NOSIP: variants seen among roughly 807,000 people sequenced by gnomAD.
NOSIP encodes the protein nitric oxide synthase interacting protein.
In NOSIP, 25 loss-of-function variants were observed where a neutral mutation model predicts 36.4. The ratio of observed to expected loss-of-function variants is 0.69; its 90% CI spans 0.50 to 0.96. The LOEUF (loss-of-function observed/expected upper bound fraction) is 0.96, where lower values mean the gene tolerates loss of function less well. Among genes scored for constraint, NOSIP ranks in the 40% least tolerant of loss-of-function variants. The pLI is 0.00. For missense variants in NOSIP, 370 were observed against 429.0 expected (o/e 0.86, Z 1.21); for synonymous variants, 187 against 179.2 (o/e 1.04, Z -0.35).
intron 1 of NOSIP, among the ~76,000 whole-genome samples, chr19:49,568,991 T>G (rs1257294831): frequency 6.6e-6 from 1 of 151,066 alleles, no homozygotes; most frequent in Non-Finnish European, 1.5e-5. Flanking sequence ...TTAGCAGAGA[T>G]GGGCTTTCAC....
chr19:49,571,283 G>A (rs1288191830), intron 1 of NOSIP, among the ~76,000 whole-genome samples: 1 of 151,828 alleles, frequency 6.6e-6, no homozygotes. Context: ...ACTGCACCCG[G>A]CAAACTCTTT....
chr19:49,571,217 C>T (rs2080479870), intron 1 of NOSIP, among the ~76,000 whole-genome samples: 1 of 148,890 alleles, frequency 6.7e-6, no homozygotes, highest in Non-Finnish European at 1.5e-5. Flanking sequence ...AACTCCTGAT[C>T]TCAAGTGATC....
At chr19:49,563,607 C>G (rs139242177) in intron 1 of NOSIP, among the ~76,000 whole-genome samples, 2,901 of 152,020 alleles carry the variant, frequency 0.019, 90 homozygotes, top group African/African-American at 0.067. Flanking sequence ...AATTCTCCTG[C>G]CTCAGCCTCC....
At chr19:49,559,371 GCCAGGTGTGGTAGTGCACAC>G in intron 3 of NOSIP, 1 of 197,404 alleles carries the variant, frequency 5.1e-6, no homozygotes, top group Non-Finnish European at 1.1e-5. Context: ...AAACAAAAAC[GCCAGGTGTGGTAGTGCACAC>G]CCGTGGTTCC....
At chr19:49,575,725 C>T (rs2080543302) in intron 1 of NOSIP, among the ~76,000 whole-genome samples, 3 of 152,208 alleles carry the variant, frequency 2.0e-5, no homozygotes, top group African/African-American at 4.8e-5. Context: ...GACACACAAA[C>T]GGGCATGGCT....
chr19:49,561,252 G>A (rs925055286), intron 1 of NOSIP, among the ~76,000 whole-genome samples: 4 of 152,130 alleles, frequency 2.6e-5, no homozygotes, highest in Non-Finnish European at 5.9e-5. Context: ...GTCTCAGATC[G>A]ACCGATCAGA....
Position 49,561,170 on chromosome 19 carries a change from A to G in NOSIP, c.-1-478T>C, listed in dbSNP as rs373984549. 4.1e-4 allele frequency among the ~76,000 whole-genome samples: 62 copies of G among 152,204 alleles called. No individual in the cohort carries two copies. The East Asian group carries it at 0.011, about 28-fold the overall frequency. ...AGGCTGGGCACTTAGCTAAGGCTTG[A>G]CACTTAGCTAAGGCTTGACCCAATC... On this transcript the variant is annotated intron_variant, in intron 1 of 8. Transcript: ENST00000596358.
At chr19:49,556,811 A>G (rs1233500710) in intron 6 of NOSIP, 64 bp downstream of exon 6, 11 of 1,596,952 alleles carry the variant, frequency 6.9e-6, no homozygotes, top group Non-Finnish European at 9.4e-6. Context: ...CCTGTGCGTG[A>G]GGAGGACGGT....
At chr19:49,566,271 C>T (rs534748674) in intron 1 of NOSIP, among the ~76,000 whole-genome samples, 18 of 152,262 alleles carry the variant, frequency 1.2e-4, no homozygotes, top group South Asian at 1.0e-3. Context: ...CCGCCCACCT[C>T]GGCTTCCCAA....
At position 49,563,406 on chromosome 19, in the gene NOSIP, A is replaced by G. The variant is rs377166551; in HGVS notation, c.-1-2714T>C. ...GCCCAGGTTGGCCTTGAACTCCTGG[A>G]CTCAAGTGAACTCCTGGCCTCCCAA... On this transcript the variant is annotated intron_variant, in intron 1 of 8. Transcript: ENST00000596358. Among the ~76,000 whole-genome samples, 136 of 151,694 alleles carry G rather than the reference A, an allele frequency of 9.0e-4. 1 individual carries two copies. The highest frequency in any genetic ancestry group is 3.2e-3 in the African/African-American group (133 of 41,356).
chr19:49,569,768 A>G (rs943010141), intron 1 of NOSIP, among the ~76,000 whole-genome samples: 1 of 151,932 alleles, frequency 6.6e-6, no homozygotes, highest in Admixed American at 6.6e-5. Flanking sequence ...AGATCGCGCC[A>G]TCGCACTCCA....
In NOSIP at chr19:49,559,010, A is replaced by T. The variant is rs1298793616; in HGVS notation, c.177-32T>A. On this transcript the variant is annotated intron_variant, in intron 3 of 8. Transcript: ENST00000596358. Reference sequence around the variant, plus strand: ...AGACAGGGTGCAATGAGAAAGAAAGAAAGTGATCCTCCCGCCTCGGCCTCC... The same window carrying T: ...AGACAGGGTGCAATGAGAAAGAAAGTAAGTGATCCTCCCGCCTCGGCCTCC... 3.2e-6 allele frequency: 5 copies of T among 1,577,134 alleles called. No homozygotes were observed. The Admixed American group carries it at 5.0e-5, about 16-fold the overall frequency.
chr19:49,559,039 A>C, intron 3 of NOSIP, 61 bp from the exon 4 acceptor site: 1 of 1,369,074 alleles, frequency 7.3e-7, no homozygotes, highest in Non-Finnish European at 1.0e-6. Flanking sequence ...GGCCTCCCGA[A>C]GTGCTGGGAT....
chr19:49,557,034 C>T (rs368721012), intron 5 of NOSIP, 41 bp from the exon 6 acceptor site: 39 of 1,589,038 alleles, frequency 2.5e-5, no homozygotes, highest in Non-Finnish European at 3.2e-5. Context: ...CCCCCTGGGC[C>T]CGCCCAGCCC....
intron 1 of NOSIP, among the ~76,000 whole-genome samples, chr19:49,570,271 A>C (rs566214205): frequency 1.8e-4 from 28 of 152,198 alleles, no homozygotes; most frequent in African/African-American, 5.3e-4. Flanking sequence ...CGATGTAAAA[A>C]GCAACTTCAT....
chr19:49,573,592 C>A (rs1284720071), intron 1 of NOSIP, among the ~76,000 whole-genome samples: 1 of 152,036 alleles, frequency 6.6e-6, no homozygotes, highest in Non-Finnish European at 1.5e-5. Flanking sequence ...ATGAACTAAC[C>A]ATGCAGCCAT....
chr19:49,559,898 C>A, intron 3 of NOSIP, 36 bp downstream of exon 3: 2 of 1,523,318 alleles, frequency 1.3e-6, no homozygotes, highest in South Asian at 1.2e-5. Context: ...CCTTGCTCTC[C>A]CCACCCAGAC....
chr19:49,571,137 A>ATT (rs60637720), intron 1 of NOSIP, among the ~76,000 whole-genome samples: 43 of 131,346 alleles, frequency 3.3e-4, no homozygotes, highest in East Asian at 6.5e-4. Flanking sequence ...CGCCCAGCTA[A>ATT]TTTTTTTTTT....
At chr19:49,572,475 C>T (rs1455260655) in intron 1 of NOSIP, among the ~76,000 whole-genome samples, 1 of 124,280 alleles carries the variant, frequency 8.0e-6, no homozygotes, top group Non-Finnish European at 1.6e-5. Context: ...CAAAATAGTG[C>T]AATCTTGGCT....
Sources: allele counts gnomAD v4.1 joint callset (sites outside exome capture counted in the v4.1 genomes callset), GRCh38; gene constraint gnomAD v4.1.1; transcripts MANE v1.5; gene names NCBI Gene and HGNC (gene_info 2026-07-23, HGNC 2026-07-21).